GPM6A: variants seen among roughly 807,000 people sequenced by gnomAD.
The protein encoded by GPM6A is neuronal membrane glycoprotein M6-a.
GPM6A carries 7 observed loss-of-function variants against 32.1 expected under a neutral mutation model. The ratio of observed to expected loss-of-function variants is 0.22; its 90% CI spans 0.12 to 0.41. The LOEUF is 0.41. Among genes scored for constraint, GPM6A ranks in the 10% least tolerant of loss-of-function variants. The pLI, the probability that GPM6A is intolerant of heterozygous loss-of-function variation, is 1.00. For synonymous variants in GPM6A, 130 were observed against 123.4 expected, an observed-to-expected ratio of 1.05 and a Z score of -0.35; for missense variants, 235 against 347.2, an observed-to-expected ratio of 0.68 and a Z score of 2.57.
intron 1 of GPM6A, among the ~76,000 whole-genome samples, chr4:175,893,635 T>C (rs1737711469): frequency 6.6e-6 from 1 of 152,166 alleles, no homozygotes. Context: ...ACCCCCTGAA[T>C]AGATAATATT....
intron 1 of GPM6A, among the ~76,000 whole-genome samples, chr4:175,710,873 T>G (rs1745489095): frequency 6.6e-6 from 1 of 152,164 alleles, no homozygotes; most frequent in Admixed American, 6.5e-5. Context: ...TTATGCTGTG[T>G]GTTCCAACTT....
At chr4:175,931,205 T>C (rs1006076850) in intron 1 of GPM6A, among the ~76,000 whole-genome samples, 2 of 152,164 alleles carry the variant, frequency 1.3e-5, no homozygotes, top group Non-Finnish European at 2.9e-5. Flanking sequence ...ATAACTATTA[T>C]TGTGCCCATT....
At chr4:175,874,395 G>C (rs9991658) in intron 1 of GPM6A, among the ~76,000 whole-genome samples, 2,312 of 152,258 alleles carry the variant, frequency 0.015, 39 homozygotes, top group South Asian at 0.06. Context: ...AGCCAACGGG[G>C]TTCTGGACGC....
At position 175,838,090 on chromosome 4, in the gene GPM6A, A is replaced by AACACACACAC. The variant is rs763166079; in HGVS notation, c.-22-25851_-22-25842dup. Among the ~76,000 whole-genome samples, 50 of 114,954 alleles carry AACACACACAC rather than the reference A, an allele frequency of 4.3e-4. 1 individual carries two copies. The South Asian group carries it at 9.7e-3, about 22-fold the overall frequency. 75.4% of individuals were successfully genotyped at this position (114,954 alleles called of 152,430 possible). A position where few individuals can be genotyped will look rare whatever the true frequency, so the allele number is the denominator to read the frequency against. On this transcript the variant is annotated intron_variant, in intron 1 of 7. Transcript: ENST00000280187. ...TAGCCGTTCAGTAGGCCTTGGTTAA[A>AACACACACAC]ACACACACACACACACACACAGACA...
At chr4:175,950,068 A>G (rs550182041) in intron 1 of GPM6A, among the ~76,000 whole-genome samples, 1 of 152,310 alleles carries the variant, frequency 6.6e-6, no homozygotes, top group African/African-American at 2.4e-5. Flanking sequence ...CTAAAAGCAC[A>G]CAAAGTTCTC....
At chr4:175,687,326 C>T (rs1744041398) in intron 2 of GPM6A, among the ~76,000 whole-genome samples, 2 of 152,128 alleles carry the variant, frequency 1.3e-5, no homozygotes, top group South Asian at 4.1e-4. Flanking sequence ...CAGCCACTCC[C>T]CATATTCCCC....
rs1553967496 is a variant in GPM6A at position 175,636,297 on chromosome 4, TAC to T, written c.685-1242_685-1241del. On this transcript the variant is annotated intron_variant, in intron 6 of 6. Transcript: ENST00000393658. ...ATATATATATATATATATATATATA[TAC>T]ATATATATATGGATTAAATAAGGCT... Among the ~76,000 whole-genome samples, 9 of 132,080 alleles carry T rather than the reference TAC, an allele frequency of 6.8e-5. No homozygotes were observed. The South Asian group carries it at 6.9e-4, about 10-fold the overall frequency. 86.6% of individuals were successfully genotyped at this position (132,080 alleles called of 152,430 possible).
intron 1 of GPM6A, among the ~76,000 whole-genome samples, chr4:175,718,676 A>G (rs528466076): frequency 3.3e-5 from 5 of 152,296 alleles, no homozygotes; most frequent in Admixed American, 6.5e-5. Context: ...CTTAAACCAT[A>G]TGACACACAC....
chr4:175,754,222 T>A (rs1196404108), intron 1 of GPM6A, among the ~76,000 whole-genome samples: 1 of 152,146 alleles, frequency 6.6e-6, no homozygotes, highest in African/African-American at 2.4e-5. Flanking sequence ...TGCATGGGTA[T>A]GTGCCTGGCT....
At chr4:175,637,417 A>G (rs1740784935) in intron 6 of GPM6A, among the ~76,000 whole-genome samples, 1 of 71,462 alleles carries the variant, frequency 1.4e-5, no homozygotes, top group Non-Finnish European at 2.5e-5. Context: ...TATATATAAA[A>G]ATGTATAATT....
At chr4:175,766,650 ACT>A (rs1466464165) in intron 1 of GPM6A, among the ~76,000 whole-genome samples, 1 of 138,692 alleles carries the variant, frequency 7.2e-6, no homozygotes, top group East Asian at 2.2e-4. Context: ...GCCTCCACTT[ACT>A]CTTTTTTTTT....
intron 1 of GPM6A, among the ~76,000 whole-genome samples, chr4:175,769,392 A>G (rs1338496511): frequency 1.3e-5 from 2 of 149,126 alleles, no homozygotes; most frequent in Non-Finnish European, 3.0e-5. Flanking sequence ...TGTATAATTG[A>G]TTTAAACACA....
chr4:175,703,384 C>A (rs1744988826), intron 1 of GPM6A, among the ~76,000 whole-genome samples: 2 of 152,146 alleles, frequency 1.3e-5, no homozygotes, highest in African/African-American at 4.8e-5. Flanking sequence ...GTTGGCCAGG[C>A]TGATCTCAAA....
At chr4:175,956,041 G>T (rs1346616488) in intron 1 of GPM6A, among the ~76,000 whole-genome samples, 1 of 152,146 alleles carries the variant, frequency 6.6e-6, no homozygotes, top group East Asian at 1.9e-4. Context: ...TGCTGCTAGG[G>T]CAACCCCAAA....
chr4:175,904,296 CAA>C (rs1738057650), intron 1 of GPM6A, among the ~76,000 whole-genome samples: 1 of 152,036 alleles, frequency 6.6e-6, no homozygotes, highest in Admixed American at 6.6e-5. Flanking sequence ...ATAAAGAAGA[CAA>C]AAGTCAAATT....
chr4:175,920,984 G>A (rs919654853), intron 1 of GPM6A, among the ~76,000 whole-genome samples: 1 of 152,088 alleles, frequency 6.6e-6, no homozygotes, highest in African/African-American at 2.4e-5. Flanking sequence ...TACAATAGAT[G>A]AGGAAACATA....
At chr4:175,870,115 A>G (rs1184356697) in intron 1 of GPM6A, among the ~76,000 whole-genome samples, 2 of 152,230 alleles carry the variant, frequency 1.3e-5, no homozygotes, top group Non-Finnish European at 2.9e-5. Flanking sequence ...TAGTGTGATT[A>G]GTGCTATAAT....
chr4:175,835,784 C>G (rs1735750862), intron 1 of GPM6A, among the ~76,000 whole-genome samples: 1 of 146,618 alleles, frequency 6.8e-6, no homozygotes, highest in Admixed American at 6.9e-5. Flanking sequence ...TATAATAAAG[C>G]ATATATAATA....
rs376335693 is a variant in GPM6A, at chr4:175,932,378, A to G, written c.-23+69931T>C. On this transcript the variant is annotated intron_variant, in intron 1 of 7. Coordinates refer to the GPM6A transcript ENST00000280187. ...ACTCAGCATTTCTTCCCTCCAGACG[A>G]TGGAGCATCAAGGCGCCATCTTGGA... Among the ~76,000 whole-genome samples the G allele has an allele frequency of 1.1e-4, 17 of 152,296 alleles. No homozygotes were observed. The East Asian group carries it at 1.7e-3, about 16-fold the overall frequency.
Sources: gnomAD v4.1 joint callset for allele counts (sites outside exome capture counted in the v4.1 genomes callset) on GRCh38, gnomAD v4.1.1 for gene constraint, MANE v1.5 for transcripts, NCBI Gene and HGNC (gene_info 2026-07-23, HGNC 2026-07-21) for gene names.